The following NKAIN2 variants were observed in gnomAD, a reference collection of about 807,000 sequenced individuals.
The protein encoded by NKAIN2 is sodium/potassium-transporting ATPase subunit beta-1-interacting protein 2.
Under a neutral mutation model 32.6 loss-of-function variants are expected in NKAIN2, and 14 were observed. The observed-to-expected ratio is 0.43, with a 90% CI of 0.28 to 0.67. The LOEUF (loss-of-function observed/expected upper bound fraction) is 0.67. Ranked by LOEUF, NKAIN2 falls within the 30% of genes least tolerant of loss-of-function variation. The pLI, the probability that NKAIN2 is intolerant of heterozygous loss-of-function variation, is 0.17. For synonymous variants in NKAIN2, 80 were observed against 87.2 expected (o/e 0.92, Z 0.46); for missense variants, 198 against 258.3 (o/e 0.77, Z 1.60).
intron 1 of NKAIN2, among the ~76,000 whole-genome samples, chr6:124,206,830 A>C (rs960104478): frequency 4.6e-5 from 7 of 151,868 alleles, no homozygotes; most frequent in Non-Finnish European, 7.4e-5. Context: ...AAAGACTAAC[A>C]AGTCAAGGTC....
At chr6:124,160,129 A>G (rs1017125225) in intron 1 of NKAIN2, among the ~76,000 whole-genome samples, 3 of 152,148 alleles carry the variant, frequency 2.0e-5, no homozygotes, top group African/African-American at 7.2e-5. Context: ...TTCCTTCCAG[A>G]TAATATACCT....
chr6:123,881,242 G>A (rs1053824367), intron 1 of NKAIN2, among the ~76,000 whole-genome samples: 2 of 152,096 alleles, frequency 1.3e-5, no homozygotes, highest in East Asian at 1.9e-4. Flanking sequence ...GGCTGGTCTC[G>A]AACTCCTGAC....
At chr6:124,288,151 A>G (rs772184992) in intron 2 of NKAIN2, among the ~76,000 whole-genome samples, 10 of 152,290 alleles carry the variant, frequency 6.6e-5, no homozygotes, top group Non-Finnish European at 1.5e-4. Flanking sequence ...CTGTATATCT[A>G]CCTTTCTTCA....
chr6:124,633,249 C>T (rs1013772760), intron 3 of NKAIN2, among the ~76,000 whole-genome samples: 1 of 152,152 alleles, frequency 6.6e-6, no homozygotes, highest in East Asian at 1.9e-4. Context: ...GCACTCTCAT[C>T]TTCTGTTAAA....
At chr6:124,559,986 C>G (rs1780629490) in intron 3 of NKAIN2, among the ~76,000 whole-genome samples, 1 of 151,880 alleles carries the variant, frequency 6.6e-6, no homozygotes. Flanking sequence ...CGTTAACACC[C>G]AGTCAAAGCA....
intron 1 of NKAIN2, among the ~76,000 whole-genome samples, chr6:124,233,141 A>G (rs891264232): frequency 2.0e-5 from 3 of 151,958 alleles, no homozygotes; most frequent in Non-Finnish European, 4.4e-5. Flanking sequence ...AAAATTTTGT[A>G]TTATATATTG....
chr6:124,255,024 G>A (rs147072507), intron 1 of NKAIN2, among the ~76,000 whole-genome samples: 4 of 152,312 alleles, frequency 2.6e-5, no homozygotes, highest in East Asian at 1.9e-4. Flanking sequence ...CCTTGGCTCC[G>A]ATAGTGAACT....
At chr6:124,298,862 T>C (rs971280544) in intron 2 of NKAIN2, among the ~76,000 whole-genome samples, 1 of 152,146 alleles carries the variant, frequency 6.6e-6, no homozygotes, top group Non-Finnish European at 1.5e-5. Context: ...AGTGAAGCCC[T>C]CAGAGAACAG....
At chr6:123,853,863 C>G (rs1216417182) in intron 1 of NKAIN2, among the ~76,000 whole-genome samples, 4 of 151,898 alleles carry the variant, frequency 2.6e-5, no homozygotes, top group Non-Finnish European at 5.9e-5. Flanking sequence ...ACCTCCACCT[C>G]CTGGGTTCAA....
At chr6:124,618,998 A>T (rs902989185) in intron 3 of NKAIN2, among the ~76,000 whole-genome samples, 1 of 152,118 alleles carries the variant, frequency 6.6e-6, no homozygotes, top group Non-Finnish European at 1.5e-5. Flanking sequence ...ATGAATTTAA[A>T]ATAAGACACT....
intron 1 of NKAIN2, among the ~76,000 whole-genome samples, chr6:124,216,340 G>A (rs1346737584): frequency 1.3e-5 from 2 of 152,246 alleles, no homozygotes; most frequent in East Asian, 1.9e-4. Flanking sequence ...TGCTAATTGT[G>A]TATTTGTAAA....
chr6:124,674,341 G>C lies in NKAIN2; in HGVS notation c.474+15955G>C, dbSNP rs72975772. Among the ~76,000 whole-genome samples, 571 of 151,850 alleles carry C rather than the reference G, an allele frequency of 3.8e-3. 5 individuals are homozygous for C. The highest frequency in any genetic ancestry group is 0.02 in the Middle Eastern group (6 of 294). ...CTTTCTCAAGATTGTTTGGGCTGTT[G>C]GGGTCTTTTTGGTTCCATATGACTA... On this transcript the variant is annotated intron_variant, in intron 4 of 6. Coordinates refer to ENST00000368417, the MANE Select transcript of NKAIN2 (RefSeq NM_001040214.3).
intron 2 of NKAIN2, among the ~76,000 whole-genome samples, chr6:124,284,358 C>A (rs1480512010): frequency 6.6e-6 from 1 of 152,126 alleles, no homozygotes; most frequent in African/African-American, 2.4e-5. Context: ...AATCTTCGAT[C>A]TGCCAAATTC....
At chr6:124,711,958 T>C (rs1473329575) in intron 4 of NKAIN2, among the ~76,000 whole-genome samples, 2 of 152,142 alleles carry the variant, frequency 1.3e-5, no homozygotes, top group Non-Finnish European at 2.9e-5. Context: ...TTTTATCTAC[T>C]TTTGGTCTTT....
chr6:123,816,552 T>C (rs1773702998), intron 1 of NKAIN2, among the ~76,000 whole-genome samples: 1 of 152,080 alleles, frequency 6.6e-6, no homozygotes, highest in South Asian at 2.1e-4. Flanking sequence ...TTTCTAAGAA[T>C]TGGAATGAAA....
chr6:124,053,470 A>G (rs1037039810), intron 1 of NKAIN2, among the ~76,000 whole-genome samples: 7 of 152,096 alleles, frequency 4.6e-5, no homozygotes, highest in Non-Finnish European at 1.0e-4. Flanking sequence ...GCTGTTTGCT[A>G]TACCTCCATA....
chr6:124,807,964 A>C (rs1479887065), intron 5 of NKAIN2, among the ~76,000 whole-genome samples: 1 of 147,838 alleles, frequency 6.8e-6, no homozygotes, highest in Non-Finnish European at 1.5e-5. Context: ...TAGACCAATA[A>C]CAGGATCTGA....
At chr6:124,317,109 G>A (rs1451171463) in intron 2 of NKAIN2, among the ~76,000 whole-genome samples, 1 of 151,142 alleles carries the variant, frequency 6.6e-6, no homozygotes, top group African/African-American at 2.4e-5. Flanking sequence ...GCCAGCATGG[G>A]CAACATAACA....
chr6:124,234,021 A>G (rs1359572519), intron 1 of NKAIN2, among the ~76,000 whole-genome samples: 2 of 152,088 alleles, frequency 1.3e-5, no homozygotes, highest in African/African-American at 4.8e-5. Context: ...CTTCTTCAAA[A>G]TTATCCTGAA....
Sources: allele counts gnomAD v4.1 joint callset (sites outside exome capture counted in the v4.1 genomes callset), GRCh38; gene constraint gnomAD v4.1.1; transcripts MANE v1.5; gene names NCBI Gene and HGNC (gene_info 2026-07-23, HGNC 2026-07-21).